The following CSMD1 variants were observed in gnomAD, a reference collection of about 807,000 sequenced individuals.
CSMD1 encodes the protein CUB and sushi domain-containing protein 1.
In CSMD1, 213 loss-of-function variants were observed where a neutral mutation model predicts 417.5. The ratio of observed to expected loss-of-function variants is 0.51; its 90% CI spans 0.46 to 0.57. The LOEUF (loss-of-function observed/expected upper bound fraction) is 0.57, where lower values mean the gene tolerates loss of function less well. Among genes scored for constraint, CSMD1 ranks in the 20% least tolerant of loss-of-function variants. CSMD1 has a pLI of 0.00. For synonymous variants in CSMD1, 2,862 were observed against 1,736.8 expected, an observed-to-expected ratio of 1.65 and a Z score of -16.11; for missense variants, 6,923 against 4,529.7, an observed-to-expected ratio of 1.53 and a Z score of -15.17.
chr8:3,798,975 G>A (rs777147371), intron 5 of CSMD1, among the ~76,000 whole-genome samples: 1 of 151,586 alleles, frequency 6.6e-6, no homozygotes, highest in Non-Finnish European at 1.5e-5. Context: ...TATATATATG[G>A]GTGAATAATA....
At chr8:3,290,709 C>G (rs1432838197) in intron 25 of CSMD1, among the ~76,000 whole-genome samples, 1 of 147,138 alleles carries the variant, frequency 6.8e-6, no homozygotes, top group Non-Finnish European at 1.5e-5. Flanking sequence ...TGCTTATCAG[C>G]TTAAGGAGAT....
chr8:3,584,741 A>G (rs1204749971), intron 9 of CSMD1, among the ~76,000 whole-genome samples: 5 of 152,256 alleles, frequency 3.3e-5, no homozygotes, highest in African/African-American at 1.2e-4. Context: ...AACTTTAAAA[A>G]TAATGAAGCC....
At position 4,393,086 on chromosome 8, in the gene CSMD1, G is replaced by C. The variant is rs567629974; in HGVS notation, c.415+26867C>G. Among the ~76,000 whole-genome samples, 18 of 152,186 alleles carry C rather than the reference G, an allele frequency of 1.2e-4. No individual in the cohort carries two copies. The South Asian group carries it at 2.9e-3, about 25-fold the overall frequency. On this transcript the variant is annotated intron_variant, in intron 3 of 69. Coordinates refer to ENST00000635120, the MANE Select transcript of CSMD1 (RefSeq NM_033225.6). ...CGCCTCCGGGGTTCAAGCGATTCTC[G>C]TGCCTCAATCTCCCGAGTAGCTGGG...
At chr8:3,631,405 C>A (rs1404298603) in intron 7 of CSMD1, among the ~76,000 whole-genome samples, 3 of 152,312 alleles carry the variant, frequency 2.0e-5, no homozygotes, top group Non-Finnish European at 4.4e-5. Flanking sequence ...AGCAAAGAAG[C>A]CAGCCCGTGG....
chr8:4,515,070 G>T (rs1237012927), intron 2 of CSMD1, among the ~76,000 whole-genome samples: 2 of 152,140 alleles, frequency 1.3e-5, no homozygotes, highest in Admixed American at 1.3e-4. Flanking sequence ...GAAGGCAAAT[G>T]ATACTTTATA....
intron 5 of CSMD1, among the ~76,000 whole-genome samples, chr8:3,887,631 G>C (rs111576019): frequency 0.01 from 1,568 of 152,306 alleles, 12 homozygotes; most frequent in Middle Eastern, 0.027. Flanking sequence ...TAAATAGAGA[G>C]TTGAGAACAC....
At chr8:3,567,850 C>G (rs1799779695) in intron 10 of CSMD1, among the ~76,000 whole-genome samples, 1 of 152,130 alleles carries the variant, frequency 6.6e-6, no homozygotes, top group African/African-American at 2.4e-5. Context: ...ATTCTGCTTT[C>G]TCATTATATA....
At chr8:4,403,753 C>T (rs1338139017) in intron 3 of CSMD1, among the ~76,000 whole-genome samples, 1 of 152,194 alleles carries the variant, frequency 6.6e-6, no homozygotes, top group African/African-American at 2.4e-5. Context: ...TTACTGCTAG[C>T]AACTCCACTT....
chr8:3,359,627 T>A lies in CSMD1; in HGVS notation c.3116-287A>T, dbSNP rs1050018956. On this transcript the variant is annotated intron_variant, in intron 20 of 69. Coordinates refer to ENST00000635120, the MANE Select transcript of CSMD1 (RefSeq NM_033225.6). ...GTATGGAGGGAAGGATAAAGTGATG[T>A]TGGTCAATGGATACAAGGATACAGT... Among the ~76,000 whole-genome samples the A allele has an allele frequency of 9.9e-5, 15 of 151,906 alleles. No individual in the cohort carries two copies. In the East Asian group the frequency reaches 2.5e-3, roughly 25 times the overall value.
chr8:3,107,217 T>G (rs1357015353), intron 45 of CSMD1: 1 of 156,250 alleles, frequency 6.4e-6, no homozygotes, highest in African/African-American at 2.4e-5. Flanking sequence ...ATTGAATAAA[T>G]TAGATCATTA....
At position 4,710,193 on chromosome 8, in the gene CSMD1, T is replaced by TA. The variant is rs1808199129; in HGVS notation, c.86-72636dup. On this transcript the variant is annotated intron_variant, in intron 1 of 69. Coordinates refer to ENST00000635120, the MANE Select transcript of CSMD1 (RefSeq NM_033225.6). ...TCCTCTGCCCAGTACCAACACAAGA[T>TA]AAAATATATATACGTATCTTCAGTG... Among the ~76,000 whole-genome samples, 5 of 152,042 alleles carry TA rather than the reference T, an allele frequency of 3.3e-5. No individual in the cohort carries two copies. In the South Asian group the frequency reaches 1.0e-3, roughly 32 times the overall value.
At chr8:3,504,077 A>T (rs1796722245) in intron 10 of CSMD1, among the ~76,000 whole-genome samples, 1 of 152,166 alleles carries the variant, frequency 6.6e-6, no homozygotes, top group Non-Finnish European at 1.5e-5. Flanking sequence ...ATTTCAAAAT[A>T]GCAAGAAAAC....
chr8:4,727,433 T>C (rs1809533219), intron 1 of CSMD1, among the ~76,000 whole-genome samples: 4 of 152,162 alleles, frequency 2.6e-5, no homozygotes, highest in Admixed American at 2.6e-4. Context: ...GTCCCTGGAA[T>C]TATGCGTAAG....
chr8:4,099,064 C>A (rs962684501), intron 3 of CSMD1, among the ~76,000 whole-genome samples: 9 of 152,020 alleles, frequency 5.9e-5, no homozygotes, highest in African/African-American at 2.2e-4. Context: ...CTGTTTTTTT[C>A]TTCTTCATTC....
intron 3 of CSMD1, among the ~76,000 whole-genome samples, chr8:4,374,038 G>A (rs149638530): frequency 1.8e-4 from 28 of 152,218 alleles, no homozygotes; most frequent in African/African-American, 6.0e-4. Flanking sequence ...GTAAAAATAC[G>A]TGATCAAATT....
At chr8:4,084,093 T>G (rs1259011057) in intron 3 of CSMD1, among the ~76,000 whole-genome samples, 1 of 152,196 alleles carries the variant, frequency 6.6e-6, no homozygotes, top group Non-Finnish European at 1.5e-5. Flanking sequence ...TAGTAATATT[T>G]GTCTTCGGAA....
chr8:4,712,873 C>G (rs1808399207), intron 1 of CSMD1, among the ~76,000 whole-genome samples: 2 of 152,158 alleles, frequency 1.3e-5, no homozygotes, highest in African/African-American at 4.8e-5. Flanking sequence ...TAGTAGACAT[C>G]CATGCCGATG....
intron 3 of CSMD1, among the ~76,000 whole-genome samples, chr8:4,093,913 T>C (rs575921639): frequency 6.6e-5 from 10 of 152,072 alleles, no homozygotes; most frequent in African/African-American, 2.2e-4. Flanking sequence ...TGAGCCCAGA[T>C]TGCGCCATTA....
At chr8:3,531,836 G>T (rs1051260661) in intron 10 of CSMD1, among the ~76,000 whole-genome samples, 3 of 152,198 alleles carry the variant, frequency 2.0e-5, no homozygotes, top group Non-Finnish European at 4.4e-5. Context: ...TGCACAGAGA[G>T]AAACGGCTAC....
Sources: gnomAD v4.1 joint callset for allele counts (sites outside exome capture counted in the v4.1 genomes callset) on GRCh38, gnomAD v4.1.1 for gene constraint, MANE v1.5 for transcripts, NCBI Gene and HGNC (gene_info 2026-07-23, HGNC 2026-07-21) for gene names.